MEMO1: variants seen among roughly 807,000 people sequenced by gnomAD.
MEMO1 encodes protein MEMO1.
Under a neutral mutation model 45.2 loss-of-function variants are expected in MEMO1, and 6 were observed. That is an observed-to-expected ratio of 0.13 (90% CI 0.07 to 0.26). The LOEUF is 0.26. MEMO1 is among the 10% of genes least tolerant of loss of function. MEMO1 has a pLI of 1.00. For synonymous variants in MEMO1, 78 were observed against 124.3 expected (o/e 0.63, Z 2.48); for missense variants, 184 against 370.5 (o/e 0.50, Z 4.13).
At chr2:31,892,563 A>G (rs938950171) in intron 6 of MEMO1, among the ~76,000 whole-genome samples, 2 of 152,120 alleles carry the variant, frequency 1.3e-5, no homozygotes, top group African/African-American at 2.4e-5. Flanking sequence ...ATCCTATCCT[A>G]TTATAAAAAC....
rs367693953 is a variant in MEMO1 at position 31,977,662 on chromosome 2, C to T, written c.61+32525G>A. 9.9e-5 allele frequency among the ~76,000 whole-genome samples: 15 copies of T among 152,104 alleles called. No homozygotes were observed. The South Asian group carries it at 1.9e-3, about 19-fold the overall frequency. On this transcript the variant is annotated intron_variant, in intron 2 of 9. Coordinates refer to ENST00000404530, the MANE Select transcript of MEMO1 (RefSeq NM_001301833.4). ...CCAAGTAGCTGGGACTACAGGTGTG[C>T]GCCACCACTGCCACCGCCACCACCA...
At chr2:31,939,637 G>A (rs1665376893) in intron 3 of MEMO1, among the ~76,000 whole-genome samples, 1 of 152,120 alleles carries the variant, frequency 6.6e-6, no homozygotes, top group African/African-American at 2.4e-5. Flanking sequence ...TGTCTCTCGT[G>A]AGTTACTATA....
At chr2:31,923,546 C>G (rs1682645921) in intron 4 of MEMO1, 1 of 1,308,672 alleles carries the variant, frequency 7.6e-7, no homozygotes, top group Middle Eastern at 1.9e-4. Flanking sequence ...TAACATGACA[C>G]TTTGTTTTAA....
chr2:31,969,875 C>T (rs975042720), intron 2 of MEMO1, among the ~76,000 whole-genome samples: 10 of 151,648 alleles, frequency 6.6e-5, no homozygotes, highest in African/African-American at 2.2e-4. Context: ...GGATTATAGG[C>T]GTGAGCCACT....
chr2:31,887,953 G>C (rs1178210308), intron 7 of MEMO1, among the ~76,000 whole-genome samples: 1 of 151,862 alleles, frequency 6.6e-6, no homozygotes. Context: ...AATATTTAGG[G>C]GAATGCCACT....
intron 2 of MEMO1, among the ~76,000 whole-genome samples, chr2:31,971,704 TC>T (rs1193656373): frequency 6.6e-6 from 1 of 152,058 alleles, no homozygotes; most frequent in Non-Finnish European, 1.5e-5. Context: ...GCAAGGTGGC[TC>T]ACGCCAGTAA....
At chr2:32,007,272 G>A (rs1269530893) in intron 2 of MEMO1, among the ~76,000 whole-genome samples, 1 of 152,080 alleles carries the variant, frequency 6.6e-6, no homozygotes, top group Non-Finnish European at 1.5e-5. Flanking sequence ...CTTCCTCCCT[G>A]CTCCAAACCT....
chr2:31,870,014 T>G, intron 8 of MEMO1, 62 bp from the exon 9 acceptor site: 1 of 1,233,104 alleles, frequency 8.1e-7, no homozygotes, highest in Non-Finnish European at 1.1e-6. Context: ...ATTTATTATT[T>G]CCTAATTATA....
At chr2:31,990,563 T>C (rs1171154803) in intron 2 of MEMO1, among the ~76,000 whole-genome samples, 1 of 147,334 alleles carries the variant, frequency 6.8e-6, no homozygotes, top group Non-Finnish European at 1.5e-5. Flanking sequence ...GCCATCTAAA[T>C]TTTTTTTCTT....
chr2:31,896,185 C>T (rs747568014), intron 6 of MEMO1, among the ~76,000 whole-genome samples: 24 of 152,100 alleles, frequency 1.6e-4, no homozygotes, highest in Non-Finnish European at 2.6e-4. Context: ...TAACTTCTAA[C>T]ATATAGGAGA....
intron 6 of MEMO1, among the ~76,000 whole-genome samples, chr2:31,900,177 T>G (rs949703943): frequency 2.6e-5 from 4 of 152,252 alleles, no homozygotes; most frequent in Non-Finnish European, 5.9e-5. Context: ...ATCCCATTAC[T>G]GGGTATATAC....
chr2:31,944,020 G>A (rs1665920180), intron 2 of MEMO1, among the ~76,000 whole-genome samples: 1 of 152,090 alleles, frequency 6.6e-6, no homozygotes, highest in African/African-American at 2.4e-5. Context: ...TACCTAGTCT[G>A]AGACTCAAAA....
chr2:31,892,043 G>C lies in MEMO1; in HGVS notation c.529C>G (p.Leu177Val). Residue 177 changes from leucine to valine, a missense_variant, in exon 7 of 10, where the codon CTA becomes GTA. By Grantham distance (32) the Leu-to-Val change is conservative. Transcript: ENST00000404530. ...QEFGKLFSKY[L>V]ADPSNLFVVS... ...ACAAAGAGATTACTAGGATCCGCTA[G>C]ATATTTACTGAAGAGTTTTCCGAAT... 1.2e-6 allele frequency: 2 copies of C among 1,612,504 alleles called. No individual in the cohort carries two copies. The highest frequency in any genetic ancestry group is 1.7e-6 in the Non-Finnish European group (2 of 1,179,500).
At chr2:31,939,151 T>C (rs1350788233) in intron 3 of MEMO1, among the ~76,000 whole-genome samples, 2 of 152,092 alleles carry the variant, frequency 1.3e-5, no homozygotes, top group Admixed American at 6.6e-5. Context: ...AAATAATTAC[T>C]TCTGGAAACC....
At chr2:31,870,871 C>T (rs1673606101) in intron 8 of MEMO1, among the ~76,000 whole-genome samples, 1 of 152,152 alleles carries the variant, frequency 6.6e-6, no homozygotes, top group Admixed American at 6.5e-5. Context: ...AGTCACTGCA[C>T]CCGGCCTACA....
intron 2 of MEMO1, among the ~76,000 whole-genome samples, chr2:31,991,505 A>C (rs745433000): frequency 1.5e-4 from 23 of 148,490 alleles, no homozygotes; most frequent in Non-Finnish European, 2.7e-4. Flanking sequence ...TGGGAGGTGG[A>C]GGTTGCAGTG....
chr2:31,975,720 C>T (rs1335652768), intron 2 of MEMO1, among the ~76,000 whole-genome samples: 2 of 152,010 alleles, frequency 1.3e-5, no homozygotes, highest in Admixed American at 6.6e-5. Flanking sequence ...AGTCACATTC[C>T]TAAAAATTAC....
rs553349112 is a variant in MEMO1 at position 31,912,260 on chromosome 2, T to A, written c.437+5666A>T. ...CTGAGGCAGGAGAATCGCTTGAACCTGGGAGGTGGGGGTTGCAGCAGGCCA... is the reference window on the plus strand; with the variant it reads ...CTGAGGCAGGAGAATCGCTTGAACCAGGGAGGTGGGGGTTGCAGCAGGCCA... On this transcript the variant is annotated intron_variant, in intron 6 of 9. Transcript: ENST00000404530. Among the ~76,000 whole-genome samples, 118 of 151,714 alleles carry A rather than the reference T, an allele frequency of 7.8e-4. 1 individual carries two copies. The highest frequency in any genetic ancestry group is 2.8e-3 in the African/African-American group (114 of 41,420).
chr2:31,920,589 G>A (rs1012287550), intron 5 of MEMO1, among the ~76,000 whole-genome samples: 5 of 152,100 alleles, frequency 3.3e-5, no homozygotes, highest in Non-Finnish European at 5.9e-5. Context: ...AGATCTGACA[G>A]ATTTCTGTAG....
Sources: gnomAD v4.1 joint callset for allele counts (sites outside exome capture counted in the v4.1 genomes callset) on GRCh38, gnomAD v4.1.1 for gene constraint, MANE v1.5 for transcripts, NCBI Gene and HGNC (gene_info 2026-07-23, HGNC 2026-07-21) for gene names.